CSNK1G1: variants seen among roughly 807,000 people sequenced by gnomAD.
CSNK1G1 encodes casein kinase 1 gamma 1.
Under a neutral mutation model 59.6 loss-of-function variants are expected in CSNK1G1, and 22 were observed. The ratio of observed to expected loss-of-function variants is 0.37; its 90% CI spans 0.26 to 0.53. The LOEUF (loss-of-function observed/expected upper bound fraction) is 0.53. Ranked by LOEUF, CSNK1G1 falls within the 20% of genes least tolerant of loss-of-function variation. The pLI, the probability that CSNK1G1 is intolerant of heterozygous loss-of-function variation, is 0.89. For missense variants in CSNK1G1, 384 were observed against 519.5 expected, an observed-to-expected ratio of 0.74 and a Z score of 2.54; for synonymous variants, 179 against 177.1, an observed-to-expected ratio of 1.01 and a Z score of -0.08.
intron 1 of CSNK1G1, among the ~76,000 whole-genome samples, chr15:64,346,255 AC>A (rs1325978817): frequency 2.6e-5 from 4 of 151,520 alleles, no homozygotes; most frequent in South Asian, 4.1e-4. Flanking sequence ...TAAAAAAAAA[AC>A]AATTGGTCAC....
intron 2 of CSNK1G1, among the ~76,000 whole-genome samples, chr15:64,271,487 C>T (rs1257884817): frequency 6.6e-6 from 1 of 152,028 alleles, no homozygotes; most frequent in Admixed American, 6.6e-5. Context: ...CAGGGTCTCG[C>T]CATGTTGCCC....
At chr15:64,247,549 G>C (rs1051207392) in intron 4 of CSNK1G1, among the ~76,000 whole-genome samples, 3 of 152,092 alleles carry the variant, frequency 2.0e-5, no homozygotes, top group Non-Finnish European at 2.9e-5. Flanking sequence ...CCACTCACTA[G>C]AAAACAAAGT....
At chr15:64,267,115 G>C (rs1401618173) in intron 2 of CSNK1G1, among the ~76,000 whole-genome samples, 1 of 152,072 alleles carries the variant, frequency 6.6e-6, no homozygotes, top group East Asian at 1.9e-4. Flanking sequence ...AATTTAGCTG[G>C]GCGTGGTGGT....
At chr15:64,239,243 C>T (rs2140302477) in intron 4 of CSNK1G1, among the ~76,000 whole-genome samples, 1 of 152,230 alleles carries the variant, frequency 6.6e-6, no homozygotes, top group South Asian at 2.1e-4. Flanking sequence ...CATGAAAAAG[C>T]AAGAAAATAT....
At chr15:64,293,266 C>T (rs1894839992) in intron 2 of CSNK1G1, among the ~76,000 whole-genome samples, 1 of 152,106 alleles carries the variant, frequency 6.6e-6, no homozygotes, top group African/African-American at 2.4e-5. Context: ...AGGCAGTACA[C>T]AAAAGACTCC....
intron 11 of CSNK1G1, chr15:64,180,126 T>C (rs1753746864): frequency 1.9e-6 from 1 of 530,160 alleles, no homozygotes; most frequent in Non-Finnish European, 3.4e-6. Context: ...ACTATGTCTT[T>C]TTCATGTGAA....
intron 2 of CSNK1G1, among the ~76,000 whole-genome samples, chr15:64,260,290 T>C (rs1566923439): frequency 6.6e-6 from 1 of 152,194 alleles, no homozygotes; most frequent in Non-Finnish European, 1.5e-5. Flanking sequence ...TAAAAGTTAT[T>C]GGTACTGTAC....
intron 1 of CSNK1G1, among the ~76,000 whole-genome samples, chr15:64,312,018 G>C (rs1566943450): frequency 6.6e-6 from 1 of 152,106 alleles, no homozygotes; most frequent in Non-Finnish European, 1.5e-5. Context: ...CTGCTACTAA[G>C]AGAATAAAAT....
intron 1 of CSNK1G1, among the ~76,000 whole-genome samples, chr15:64,341,716 C>A (rs1246099500): frequency 6.6e-6 from 1 of 152,012 alleles, no homozygotes; most frequent in Non-Finnish European, 1.5e-5. Context: ...CTCAAGTGAT[C>A]CTCCATAAGC....
chr15:64,238,678 C>T (rs1165731814), intron 4 of CSNK1G1, among the ~76,000 whole-genome samples: 2 of 151,528 alleles, frequency 1.3e-5, no homozygotes, highest in Admixed American at 1.3e-4. Context: ...GCCCTACTGA[C>T]TTGGGCTCCT....
Position 64,188,403 on chromosome 15 carries a change from G to A in CSNK1G1, c.1108-7949C>T. On this transcript the variant is annotated intron_variant, in intron 10 of 11. Coordinates refer to ENST00000303052, the MANE Select transcript of CSNK1G1 (RefSeq NM_022048.5). This position sits in a 1 kb window ranked among gnomAD's most constrained non-coding sequence, Gnocchi z 4.2. The stretch of plus-strand genomic sequence containing the variant: ...CACTGATCCCCCATGGCGGTCTGCA[G>A]CCAAGTGAGACGTTAGGTATGAGGT... 1 of 1,536,136 alleles carries A rather than the reference G, an allele frequency of 6.5e-7. No individual in the cohort carries two copies. The highest frequency in any genetic ancestry group is 8.7e-7 in the Non-Finnish European group (1 of 1,146,914).
chr15:64,210,815 C>G lies in CSNK1G1; in HGVS notation c.679+3075G>C, dbSNP rs763427490. Among the ~76,000 whole-genome samples the G allele has an allele frequency of 6.6e-6, 1 of 152,118 alleles. No individual in the cohort carries two copies. The highest frequency in any genetic ancestry group is 1.5e-5 in the Non-Finnish European group (1 of 68,026). ...CACGTTGAAATTTGATCCCAATGTT[C>G]GAAGCTGGGCCAAATGGAAGGTGTT... On this transcript the variant is annotated intron_variant, in intron 6 of 11. Transcript: ENST00000303052. The surrounding 1 kb of genome is among the most constrained non-coding windows in gnomAD (Gnocchi z 4.2).
intron 11 of CSNK1G1, among the ~76,000 whole-genome samples, chr15:64,174,677 T>C (rs554108447): frequency 6.6e-6 from 1 of 152,336 alleles, no homozygotes; most frequent in South Asian, 2.1e-4. Flanking sequence ...CAAAGCCATC[T>C]AGTGCTCTTA....
intron 2 of CSNK1G1, among the ~76,000 whole-genome samples, chr15:64,276,172 C>T (rs1341154921): frequency 6.6e-6 from 1 of 152,060 alleles, no homozygotes; most frequent in Non-Finnish European, 1.5e-5. Context: ...GACTCATACT[C>T]CATTTTTCAG....
At chr15:64,297,529 T>C (rs1431058866) in intron 2 of CSNK1G1, among the ~76,000 whole-genome samples, 7 of 151,834 alleles carry the variant, frequency 4.6e-5, no homozygotes, top group Non-Finnish European at 7.4e-5. Flanking sequence ...CAAAACATCA[T>C]CTCTACAAAA....
chr15:64,281,581 C>T (rs1432049601), intron 2 of CSNK1G1, among the ~76,000 whole-genome samples: 1 of 152,124 alleles, frequency 6.6e-6, no homozygotes, highest in Non-Finnish European at 1.5e-5. Context: ...CTCAAGCCTG[C>T]AATCCCAGGA....
intron 11 of CSNK1G1, among the ~76,000 whole-genome samples, chr15:64,177,808 C>T (rs978945140): frequency 1.3e-5 from 2 of 152,144 alleles, no homozygotes; most frequent in Non-Finnish European, 2.9e-5. Flanking sequence ...AAAAGATAAA[C>T]CTGTATAGGG....
At chr15:64,284,525 G>T (rs969613606) in intron 2 of CSNK1G1, among the ~76,000 whole-genome samples, 2 of 151,898 alleles carry the variant, frequency 1.3e-5, no homozygotes, top group Admixed American at 6.6e-5. Flanking sequence ...TATAAATTTT[G>T]TACTCATTTT....
intron 4 of CSNK1G1, among the ~76,000 whole-genome samples, chr15:64,225,310 GGCT>G (rs1038651547): frequency 2.0e-5 from 3 of 152,044 alleles, no homozygotes; most frequent in African/African-American, 7.2e-5. Context: ...GCCAACCTAT[GGCT>G]GCCTTCTTGG....
Sources: gnomAD v4.1 joint callset for allele counts (sites outside exome capture counted in the v4.1 genomes callset) on GRCh38, gnomAD v4.1.1 for gene constraint, Gnocchi (gnomAD v3.1) non-coding constraint, MANE v1.5 for transcripts, NCBI Gene and HGNC (gene_info 2026-07-23, HGNC 2026-07-21) for gene names.